Variants in CALN1 observed in about 807,000 individuals in gnomAD.
CALN1 encodes the protein calneuron 1, also known as calcium-binding protein 8.
A neutral mutation model predicts 30.6 loss-of-function variants in CALN1; 17 were observed. The ratio of observed to expected loss-of-function variants is 0.56; its 90% CI spans 0.38 to 0.83. The LOEUF is 0.83. Among genes scored for constraint, CALN1 ranks in the 40% least tolerant of loss-of-function variants. The probability of loss-of-function intolerance (pLI) is 0.00; values close to 1 mark genes in which losing one functional copy is unlikely to be tolerated. For missense variants in CALN1, 291 were observed against 354.9 expected (o/e 0.82, Z 1.45); for synonymous variants, 156 against 131.4 (o/e 1.19, Z -1.28).
Position 71,994,341 on chromosome 7 carries a change from G to A in CALN1, c.501+29316C>T, listed in dbSNP as rs139716047. On this transcript the variant is annotated intron_variant, in intron 5 of 6. Coordinates refer to ENST00000395275, the MANE Select transcript of CALN1 (RefSeq NM_031468.4). Reference sequence around the variant, plus strand: ...AGCCTGGCCAACATGGCAAAACTCCGTCTCTACTAAAAATACAAAAATTAG... The same window carrying A: ...AGCCTGGCCAACATGGCAAAACTCCATCTCTACTAAAAATACAAAAATTAG... Among the ~76,000 whole-genome samples, 790 of 151,962 alleles carry A rather than the reference G, an allele frequency of 5.2e-3. 8 individuals are homozygous for A. Among genetic ancestry groups the A allele is most frequent in the African/African-American group, 0.017 (716 of 41,462 alleles).
chr7:72,003,104 A>C (rs149396669), intron 5 of CALN1, among the ~76,000 whole-genome samples: 246 of 152,364 alleles, frequency 1.6e-3, no homozygotes, highest in Admixed American at 2.8e-3. Context: ...GCCATTCCAC[A>C]ATGTATACAG....
At chr7:72,411,130 A>G (rs542300463) in intron 1 of CALN1, among the ~76,000 whole-genome samples, 1 of 152,056 alleles carries the variant, frequency 6.6e-6, no homozygotes, top group Non-Finnish European at 1.5e-5. Context: ...TATTTATAAG[A>G]GCAAACATAA....
intron 5 of CALN1, among the ~76,000 whole-genome samples, chr7:71,858,193 G>C (rs1343721401): frequency 6.6e-6 from 1 of 152,108 alleles, no homozygotes; most frequent in Non-Finnish European, 1.5e-5. Flanking sequence ...GGATGGTTTT[G>C]TAAATGGCTT....
At chr7:72,470,431 C>G in the CALN1 span, among the ~76,000 whole-genome samples, 3 of 152,056 alleles carry the variant, frequency 2.0e-5, no homozygotes, top group African/African-American at 7.2e-5. Flanking sequence ...GTCTGGCCAA[C>G]AAATAGCATC....
intron 2 of CALN1, among the ~76,000 whole-genome samples, chr7:72,354,948 C>A (rs1235152030): frequency 6.8e-6 from 1 of 147,672 alleles, no homozygotes; most frequent in South Asian, 2.1e-4. Flanking sequence ...CTCGCTTTGT[C>A]GCCAAAGCTG....
At chr7:72,410,284 G>A (rs1398440775) in intron 1 of CALN1, among the ~76,000 whole-genome samples, 1 of 152,166 alleles carries the variant, frequency 6.6e-6, no homozygotes, top group African/African-American at 2.4e-5. Context: ...TTGTGTTACT[G>A]ACTCTGCAAA....
chr7:71,867,729 G>A (rs1190571109), intron 5 of CALN1, among the ~76,000 whole-genome samples: 16 of 152,010 alleles, frequency 1.1e-4, no homozygotes, highest in South Asian at 4.2e-4. Flanking sequence ...TACCGTGCCC[G>A]GCTGGGGACT....
At chr7:72,210,720 C>A (rs1477855777) in intron 3 of CALN1, among the ~76,000 whole-genome samples, 5 of 152,026 alleles carry the variant, frequency 3.3e-5, no homozygotes, top group Admixed American at 6.6e-5. Context: ...TTATTTAATA[C>A]CTCCACCTGG....
chr7:72,010,860 G>C (rs1800036070), intron 5 of CALN1, among the ~76,000 whole-genome samples: 1 of 149,296 alleles, frequency 6.7e-6, no homozygotes, highest in African/African-American at 2.5e-5. Flanking sequence ...GAAAAGGAAA[G>C]GAAAGGAAAA....
chr7:71,922,879 C>G (rs1795042543), intron 5 of CALN1, among the ~76,000 whole-genome samples: 1 of 98,602 alleles, frequency 1.0e-5, no homozygotes. Context: ...AATATATAAA[C>G]ATATATATTA....
intron 4 of CALN1, among the ~76,000 whole-genome samples, chr7:72,098,186 T>A (rs1345709750): frequency 2.0e-5 from 3 of 152,070 alleles, no homozygotes; most frequent in Non-Finnish European, 4.4e-5. Flanking sequence ...GATGGAGGGA[T>A]CCTGGCCCCC....
chr7:72,379,624 C>G (rs1160923022), intron 2 of CALN1, among the ~76,000 whole-genome samples: 2 of 152,358 alleles, frequency 1.3e-5, no homozygotes, highest in Non-Finnish European at 1.5e-5. Context: ...ACCTTGAAAA[C>G]TCTTGCAAAC....
intron 2 of CALN1, among the ~76,000 whole-genome samples, chr7:72,377,436 CGTGTGTGTGTGTGTGTGTGTGT>C (rs138060244): frequency 2.8e-5 from 4 of 142,434 alleles, no homozygotes; most frequent in Admixed American, 1.4e-4. Context: ...GCCACACTTT[CGTGTGTGTGTGTGTGTGTGTGT>C]GTGTGTGTGT....
At chr7:72,056,418 T>A (rs758564068) in intron 4 of CALN1, among the ~76,000 whole-genome samples, 7 of 151,760 alleles carry the variant, frequency 4.6e-5, no homozygotes, top group Admixed American at 2.0e-4. Context: ...ATAATAAACA[T>A]AAAAAATCGA....
chr7:71,951,277 A>G (rs1796676644), intron 5 of CALN1, among the ~76,000 whole-genome samples: 1 of 152,186 alleles, frequency 6.6e-6, no homozygotes, highest in Non-Finnish European at 1.5e-5. Flanking sequence ...CAGTAAAGAA[A>G]TGCTTTTACT....
intron 3 of CALN1, among the ~76,000 whole-genome samples, chr7:72,248,503 C>G (rs1305303579): frequency 6.6e-6 from 1 of 152,146 alleles, no homozygotes; most frequent in African/African-American, 2.4e-5. Flanking sequence ...CAATCTCTCT[C>G]TCTCTTTCTC....
the CALN1 span, among the ~76,000 whole-genome samples, chr7:72,492,394 C>T: frequency 1.3e-5 from 2 of 152,334 alleles, no homozygotes; most frequent in East Asian, 3.9e-4. Flanking sequence ...AAGATGCTTC[C>T]TCTAAAGATG....
At chr7:72,014,913 C>G (rs555776281) in intron 5 of CALN1, among the ~76,000 whole-genome samples, 20 of 152,284 alleles carry the variant, frequency 1.3e-4, no homozygotes, top group African/African-American at 4.6e-4. Flanking sequence ...TCCTCCGCCT[C>G]AGCCTCCCAA....
intron 4 of CALN1, among the ~76,000 whole-genome samples, chr7:72,072,669 A>G (rs1804480040): frequency 6.6e-6 from 1 of 152,204 alleles, no homozygotes; most frequent in African/African-American, 2.4e-5. Context: ...TTTTCTACAC[A>G]ATTTAAGAGG....
Sources: allele counts gnomAD v4.1 joint callset (sites outside exome capture counted in the v4.1 genomes callset), GRCh38; gene constraint gnomAD v4.1.1; transcripts MANE v1.5; gene names NCBI Gene and HGNC (gene_info 2026-07-23, HGNC 2026-07-21).